LPAR3: variants seen among roughly 807,000 people sequenced by gnomAD.
LPAR3 encodes lysophosphatidic acid receptor 3, also known as LPA receptor 3.
Under a neutral mutation model 17.8 loss-of-function variants are expected in LPAR3, and 7 were observed. The ratio of observed to expected loss-of-function variants is 0.39; its 90% CI spans 0.22 to 0.74. LPAR3 has a LOEUF of 0.74. Ranked by LOEUF, LPAR3 falls within the 30% of genes least tolerant of loss-of-function variation. The pLI is 0.40. For synonymous variants in LPAR3, 179 were observed against 179.9 expected, an observed-to-expected ratio of 0.99 and a Z score of 0.04; for missense variants, 391 against 453.4, an observed-to-expected ratio of 0.86 and a Z score of 1.25.
intron 1 of LPAR3, among the ~76,000 whole-genome samples, chr1:84,879,881 A>C (rs764004375): frequency 2.6e-5 from 4 of 152,220 alleles, no homozygotes; most frequent in Non-Finnish European, 5.9e-5. Context: ...CAGCAGGGAA[A>C]AGCCTTTGGG....
In LPAR3 at chr1:84,811,667, A is replaced by C. The variant is rs1658814168; in HGVS notation, c.*2179T>G. On this transcript the variant is annotated 3_prime_UTR_variant, in exon 3 of 3. Coordinates refer to ENST00000370611, the MANE Select transcript of LPAR3 (RefSeq NM_012152.3). ...AAAGCTTCAGATAGACCCACATACT[A>C]TACAGAGTTTGTGAAATCTACACTT... 6.7e-6 allele frequency: 1 copy of C among 150,290 alleles called. No homozygotes were observed. Among genetic ancestry groups the C allele is most frequent in the Non-Finnish European group, 1.5e-5 (1 of 67,430 alleles). The allele number at this position is 150,290 out of a possible 1,614,324, so 9.3% of individuals were successfully genotyped here.
chr1:84,891,978 C>T (rs1054077880), intron 1 of LPAR3, among the ~76,000 whole-genome samples: 3 of 152,004 alleles, frequency 2.0e-5, no homozygotes, highest in Admixed American at 6.6e-5. Flanking sequence ...CTTTGGGATG[C>T]TGAGGAGGGT....
chr1:84,815,879 C>G (rs1051501967), intron 2 of LPAR3, among the ~76,000 whole-genome samples: 4 of 152,164 alleles, frequency 2.6e-5, no homozygotes, highest in African/African-American at 4.8e-5. Flanking sequence ...AATTACGGTT[C>G]AGCAGTGGTT....
chr1:84,868,719 C>G (rs1234866573), intron 1 of LPAR3, among the ~76,000 whole-genome samples: 7 of 152,156 alleles, frequency 4.6e-5, no homozygotes. Flanking sequence ...TTTTGCCACA[C>G]TGCCATTCAA....
At chr1:84,856,591 C>T (rs1030519297) in intron 2 of LPAR3, among the ~76,000 whole-genome samples, 4 of 151,884 alleles carry the variant, frequency 2.6e-5, no homozygotes, top group African/African-American at 9.7e-5. Flanking sequence ...AAGGACAGTT[C>T]ATCGATGAAG....
At chr1:84,821,781 A>T (rs938813256) in intron 2 of LPAR3, among the ~76,000 whole-genome samples, 2 of 152,202 alleles carry the variant, frequency 1.3e-5, no homozygotes, top group African/African-American at 4.8e-5. Flanking sequence ...GGGGGAAGGA[A>T]ATGTGAGACC....
At chr1:84,873,030 T>A (rs976806561) in intron 1 of LPAR3, among the ~76,000 whole-genome samples, 1 of 152,122 alleles carries the variant, frequency 6.6e-6, no homozygotes, top group African/African-American at 2.4e-5. Context: ...CTACAACATT[T>A]CTGACCAGTA....
intron 2 of LPAR3, among the ~76,000 whole-genome samples, chr1:84,834,391 CTTAGGTAACCAGG>C (rs1659354956): frequency 6.6e-6 from 1 of 152,252 alleles, no homozygotes; most frequent in Non-Finnish European, 1.5e-5. Context: ...GAATTTGACC[CTTAGGTAACCAGG>C]TTGGAGACGA....
Position 84,815,212 on chromosome 1 carries a change from C to T in LPAR3, c.737-1041G>A, listed in dbSNP as rs147076855. ...AAGAGACACGATTTTGAACAGAGGC[C>T]GTCTTTCTCCACAGGCTGTGCCCTG... On this transcript the variant is annotated intron_variant, in intron 2 of 2. Coordinates refer to ENST00000370611, the MANE Select transcript of LPAR3 (RefSeq NM_012152.3). Among the ~76,000 whole-genome samples, 176 of 152,228 alleles carry T rather than the reference C, an allele frequency of 1.2e-3. 3 individuals are homozygous for T. The highest frequency in any genetic ancestry group is 3.7e-3 in the African/African-American group (154 of 41,538).
chr1:84,834,601 T>C (rs1046939562), intron 2 of LPAR3, among the ~76,000 whole-genome samples: 4 of 152,206 alleles, frequency 2.6e-5, no homozygotes, highest in African/African-American at 9.7e-5. Flanking sequence ...CTGCTTTCCT[T>C]TTCTTTGTAT....
rs17116646 is a variant in LPAR3 at position 84,848,713 on chromosome 1, G to C, written c.736+16672C>G. ...TCTAAGCTGCATGCAAACTCAGGTA[G>C]AGCCTCCAGAACAACCTGGGTCTGC... On this transcript the variant is annotated intron_variant, in intron 2 of 2. Transcript: ENST00000370611. 3.8e-3 allele frequency among the ~76,000 whole-genome samples: 580 copies of C among 152,224 alleles called. 6 individuals carry two copies. The highest frequency in any genetic ancestry group is 0.013 in the African/African-American group (540 of 41,524).
rs184363312 is a variant in LPAR3, at chr1:84,864,965, G to T, written c.736+420C>A. Among the ~76,000 whole-genome samples the T allele has an allele frequency of 4.0e-5, 6 of 151,846 alleles. No individual in the cohort carries two copies. The South Asian group carries it at 6.3e-4, about 16-fold the overall frequency. On this transcript the variant is annotated intron_variant, in intron 2 of 2. Coordinates refer to ENST00000370611, the MANE Select transcript of LPAR3 (RefSeq NM_012152.3). Reference sequence around the variant, plus strand: ...GCTGGTCAGGGCTCCTGTGCTTACCGCTTCTCCCACCTGGAACACCCTTCC... The same window carrying T: ...GCTGGTCAGGGCTCCTGTGCTTACCTCTTCTCCCACCTGGAACACCCTTCC...
chr1:84,850,868 G>T (rs1349837024), intron 2 of LPAR3, among the ~76,000 whole-genome samples: 1 of 152,222 alleles, frequency 6.6e-6, no homozygotes, highest in Non-Finnish European at 1.5e-5. Flanking sequence ...ACGAGTTCTT[G>T]TAGTTACGAT....
chr1:84,892,524 A>G (rs1005641483), intron 1 of LPAR3, among the ~76,000 whole-genome samples: 1 of 152,238 alleles, frequency 6.6e-6, no homozygotes, highest in Non-Finnish European at 1.5e-5. Context: ...AATCTCTAGA[A>G]GCCTGCACAT....
In LPAR3 at chr1:84,818,174, A is replaced by G. The variant is rs141952689; in HGVS notation, c.737-4003T>C. Among the ~76,000 whole-genome samples the G allele has an allele frequency of 3.1e-4, 47 of 152,378 alleles. No individual in the cohort carries two copies. The East Asian group carries it at 8.9e-3, about 29-fold the overall frequency. On this transcript the variant is annotated intron_variant, in intron 2 of 2. Coordinates refer to ENST00000370611, the MANE Select transcript of LPAR3 (RefSeq NM_012152.3). ...AAAAATTAAATGGATTAATTCATAT[A>G]CAATGATTAAAACAGCATCTGACAC...
At chr1:84,885,450 TG>T (rs1363230070) in intron 1 of LPAR3, among the ~76,000 whole-genome samples, 1 of 152,226 alleles carries the variant, frequency 6.6e-6, no homozygotes, top group East Asian at 1.9e-4. Context: ...GATAGAACTT[TG>T]GGGGAAGGCA....
intron 2 of LPAR3, among the ~76,000 whole-genome samples, chr1:84,848,515 T>A (rs1370838176): frequency 6.6e-6 from 1 of 152,092 alleles, no homozygotes; most frequent in African/African-American, 2.4e-5. Context: ...AAAGCTACCC[T>A]CCCTGAGCTG....
chr1:84,878,432 C>G (rs1048053745), intron 1 of LPAR3, among the ~76,000 whole-genome samples: 1 of 152,102 alleles, frequency 6.6e-6, no homozygotes, highest in Non-Finnish European at 1.5e-5. Context: ...TTTAAATTCT[C>G]TTCTACCAAA....
intron 2 of LPAR3, among the ~76,000 whole-genome samples, chr1:84,824,888 T>C (rs1317580106): frequency 6.6e-6 from 1 of 152,212 alleles, no homozygotes; most frequent in African/African-American, 2.4e-5. Flanking sequence ...GGGAGATCTC[T>C]TTTGTGCCTT....
Sources: gnomAD v4.1 joint callset for allele counts (sites outside exome capture counted in the v4.1 genomes callset) on GRCh38, gnomAD v4.1.1 for gene constraint, MANE v1.5 for transcripts, NCBI Gene and HGNC (gene_info 2026-07-23, HGNC 2026-07-21) for gene names.